CYB5R3: variants seen among roughly 807,000 people sequenced by gnomAD.
CYB5R3 encodes the protein cytochrome b5 reductase 3.
A neutral mutation model predicts 36.5 loss-of-function variants in CYB5R3; 28 were observed. The observed-to-expected ratio is 0.77, with a 90% CI of 0.57 to 1.05. The LOEUF is 1.05. Ranked by LOEUF, CYB5R3 falls within the 50% of genes least tolerant of loss-of-function variation. The pLI, the probability that CYB5R3 is intolerant of heterozygous loss-of-function variation, is 0.00. For synonymous variants in CYB5R3, 181 were observed against 159.8 expected (o/e 1.13, Z -1.00); for missense variants, 474 against 408.9 (o/e 1.16, Z -1.37).
Position 42,627,297 on chromosome 22 carries a change from C to G in CYB5R3, c.633+7G>C. 1.2e-6 allele frequency: 2 copies of G among 1,613,266 alleles called. No individual in the cohort carries two copies. Among genetic ancestry groups the G allele is most frequent in the South Asian group, 2.2e-5 (2 of 91,052 alleles). On this transcript the variant is annotated splice_region_variant and intron_variant, in intron 7 of 8. Coordinates refer to ENST00000352397, the MANE Select transcript of CYB5R3 (RefSeq NM_000398.7). ...TGAGTTTCCCCATCATGGGGATGCC[C>G]ACTGACCTGGTTGGCAAAGAGCAGG...
In CYB5R3 at chr22:42,631,299, T is replaced by C. The variant is rs931041696; in HGVS notation, c.226+79A>G. 5.0e-6 allele frequency: 7 copies of C among 1,397,874 alleles called. No homozygotes were observed. In the African/African-American group the frequency reaches 8.6e-5, roughly 17 times the overall value. The allele number at this position is 1,397,874 out of a possible 1,614,324, so 86.6% of individuals were successfully genotyped here. On this transcript the variant is annotated intron_variant, in intron 3 of 8. Coordinates refer to ENST00000352397, the MANE Select transcript of CYB5R3 (RefSeq NM_000398.7). ...GCTTCCCTGCTCTCCCTGGTGGAAA[T>C]GTAAAGCTTCCATCTCTCTGATCTA...
chr22:42,628,002 AG>A, intron 5 of CYB5R3, 149 bp downstream of exon 5: 1 of 1,174,902 alleles, frequency 8.5e-7, no homozygotes, highest in Non-Finnish European at 1.3e-6. Flanking sequence ...CTCTACAGCC[AG>A]GGAGACTCAG....
chr22:42,641,277 AAAGTTTTGG>A, intron 1 of CYB5R3, among the ~76,000 whole-genome samples: 1 of 152,306 alleles, frequency 6.6e-6, no homozygotes, highest in African/African-American at 2.4e-5. Flanking sequence ...TATTAGTAGG[AAAGTTTTGG>A]GGGAACCAGA....
rs8190409 is a variant in CYB5R3, at chr22:42,644,297, C to A, written c.21+4998G>T. 4,345 of 673,424 alleles carry A rather than the reference C, an allele frequency of 6.5e-3. 130 individuals are homozygous for A. The African/African-American group carries it at 0.068, about 11-fold the overall frequency. The allele number at this position is 673,424 out of a possible 1,614,324, so 41.7% of individuals were successfully genotyped here. A position where few individuals can be genotyped will look rare whatever the true frequency, so the allele number is the denominator to read the frequency against. ...TGCCCCCAGCCCCGGGGGTCCGAAC[C>A]AACAGGCGGCTCCACCCCTCCTCAA... On this transcript the variant is annotated intron_variant, in intron 1 of 8. Coordinates refer to ENST00000352397, the MANE Select transcript of CYB5R3 (RefSeq NM_000398.7).
intron 1 of CYB5R3, among the ~76,000 whole-genome samples, chr22:42,646,489 C>T (rs1929544404): frequency 6.6e-6 from 1 of 152,164 alleles, no homozygotes; most frequent in Non-Finnish European, 1.5e-5. Context: ...CCCTGGAATT[C>T]CCCACTGGGA....
At chr22:42,646,522 G>T in intron 1 of CYB5R3, 1 of 393,674 alleles carries the variant, frequency 2.5e-6, no homozygotes, top group Non-Finnish European at 3.5e-6. Flanking sequence ...CTCTGCCCAG[G>T]CCAGGTTAGG....
chr22:42,627,424 A>G, intron 6 of CYB5R3, 35 bp from the exon 7 acceptor site: 2 of 1,599,888 alleles, frequency 1.3e-6, no homozygotes, highest in Non-Finnish European at 1.7e-6. Context: ...GCACGTGCTG[A>G]GCGAGGCCTG....
In CYB5R3 at chr22:42,628,196, A is replaced by G. The variant is rs771311712; in HGVS notation, c.419T>C (p.Ile140Thr). 6.2e-7 allele frequency: 1 copy of G among 1,614,010 alleles called. No homozygotes were observed. The highest frequency in any genetic ancestry group is 8.5e-7 in the Non-Finnish European group (1 of 1,179,950). The change falls in exon 5 of 9, where the codon ATT (isoleucine) becomes ACT (threonine). Residue 140 changes from isoleucine to threonine, a missense_variant. Transcript: ENST00000352397. Reference sequence around the variant, plus strand: ...CAGCCCACTGGGGCCCCGGAACTCAATGGTGTCTCCAATCTGCATGCTCTC... The same window carrying G: ...CAGCCCACTGGGGCCCCGGAACTCAGTGGTGTCTCCAATCTGCATGCTCTC... ...YLESMQIGDT[I>T]EFRGPSGLLV...
intron 1 of CYB5R3, among the ~76,000 whole-genome samples, chr22:42,645,453 G>C (rs1569328578): frequency 6.6e-6 from 1 of 152,194 alleles, no homozygotes; most frequent in Non-Finnish European, 1.5e-5. Context: ...TCAGAGGTGG[G>C]CTTAGGATCC....
chr22:42,644,056 A>C (rs1447863272), intron 1 of CYB5R3, among the ~76,000 whole-genome samples: 1 of 152,086 alleles, frequency 6.6e-6, no homozygotes, highest in African/African-American at 2.4e-5. Context: ...AGCATCGCTC[A>C]CCACATGACA....
intron 1 of CYB5R3, 64 bp downstream of exon 1, chr22:42,649,231 C>T (rs1445394249): frequency 1.3e-6 from 1 of 752,248 alleles, no homozygotes; most frequent in Non-Finnish European, 1.7e-6. Flanking sequence ...CCAGCCCGCC[C>T]CCTCGCCGCC....
chr22:42,620,258 G>A (rs915711394), intron 8 of CYB5R3, among the ~76,000 whole-genome samples: 4 of 152,174 alleles, frequency 2.6e-5, no homozygotes, highest in African/African-American at 9.7e-5. Flanking sequence ...CGGGGAATAT[G>A]AATCCCATTT....
intron 2 of CYB5R3, chr22:42,633,107 A>G (rs1928703942): frequency 6.6e-6 from 1 of 152,340 alleles, no homozygotes; most frequent in Non-Finnish European, 1.5e-5. Flanking sequence ...GGTGGGGCAA[A>G]GCACAGAGCA....
rs372097479 is a variant in CYB5R3 at position 42,623,907 on chromosome 22, G to T, written c.634-19C>A. 6.2e-6 allele frequency: 10 copies of T among 1,608,668 alleles called. No homozygotes were observed. Among genetic ancestry groups the T allele is most frequent in the Non-Finnish European group, 8.5e-6 (10 of 1,175,236 alleles). ...TCTCGGTCTGCAGGGGACAGGGCCAGGCAGTCAGGAAGGATGGGTGGCAGA... is the reference window on the plus strand; with the variant it reads ...TCTCGGTCTGCAGGGGACAGGGCCATGCAGTCAGGAAGGATGGGTGGCAGA... On this transcript the variant is annotated intron_variant, in intron 7 of 8. Coordinates refer to ENST00000352397, the MANE Select transcript of CYB5R3 (RefSeq NM_000398.7).
At chr22:42,648,568 C>A (rs953254646) in intron 1 of CYB5R3, among the ~76,000 whole-genome samples, 4 of 152,124 alleles carry the variant, frequency 2.6e-5, no homozygotes, top group Non-Finnish European at 4.4e-5. Flanking sequence ...CGTTGTGGGA[C>A]GGTGGCCAAG....
Position 42,619,581 on chromosome 22 carries a change from C to T in CYB5R3, c.*192G>A, listed in dbSNP as rs370583998. 2.6e-5 allele frequency: 16 copies of T among 609,838 alleles called. No homozygotes were observed. Among genetic ancestry groups the T allele is most frequent in the East Asian group, 1.4e-4 (5 of 36,184 alleles). 37.8% of individuals were successfully genotyped at this position (609,838 alleles called of 1,614,324 possible). ...GCAGGACGTACTCTGAAGGCTCAGCCGTGGCCCATCTGGGACACAGCCCTG... is the reference window on the plus strand; with the variant it reads ...GCAGGACGTACTCTGAAGGCTCAGCTGTGGCCCATCTGGGACACAGCCCTG... On this transcript the variant is annotated 3_prime_UTR_variant, in exon 9 of 9. Coordinates refer to ENST00000352397, the MANE Select transcript of CYB5R3 (RefSeq NM_000398.7).
rs756959192 is a variant in CYB5R3 at position 42,627,671 on chromosome 22, G to A, written c.481C>T (p.Pro161Ser). The A allele has an allele frequency of 6.2e-7, 1 of 1,613,950 alleles. No individual in the cohort carries two copies. Among genetic ancestry groups the A allele is most frequent in the Non-Finnish European group, 8.5e-7 (1 of 1,179,832 alleles). ...ATGATAGGGTTGGACTTTTTGTCAG[G>A]TCGGATGGCGAACTTCCCTGGGGAG... The part of the protein sequence containing the change: ...YQGKGKFAIR[P>S]DKKSNPIIRT... Residue 161 changes from proline to serine, a missense_variant, in exon 6 of 9, where the codon CCT (proline) becomes TCT (serine). By Grantham distance (74) the Pro-to-Ser change is moderately conservative. Transcript: ENST00000352397.
intron 1 of CYB5R3, chr22:42,646,551 C>T: frequency 2.9e-6 from 2 of 689,038 alleles, no homozygotes; most frequent in South Asian, 6.4e-5. Flanking sequence ...GAGAGAGCTG[C>T]CAGGGCCCCC....
chr22:42,636,721 G>T lies in CYB5R3; in HGVS notation c.147C>A (p.Asp49Glu). Residue 49 changes from aspartate to glutamate, a missense_variant, in exon 2 of 9, where the codon GAC (aspartate) becomes GAA (glutamate). By Grantham distance (45) the Asp-to-Glu change is conservative (BLOSUM62 2). Transcript: ENST00000352397. Reference protein sequence around the residue: ...PDIKYPLRLIDREIISHDTRR... With the variant: ...PDIKYPLRLIEREIISHDTRR... ...GGCGGCGGCCGGCACTCACCTCCCG[G>T]TCGATGAGCCGCAGCGGGTACTTGA... 1 of 1,612,072 alleles carries T rather than the reference G, an allele frequency of 6.2e-7. No homozygotes were observed.
Sources: allele counts gnomAD v4.1 joint callset (sites outside exome capture counted in the v4.1 genomes callset), GRCh38; gene constraint gnomAD v4.1.1; transcripts MANE v1.5; gene names NCBI Gene and HGNC (gene_info 2026-07-23, HGNC 2026-07-21).